Variants in IFNAR2 observed in about 807,000 individuals in gnomAD.
IFNAR2 encodes the protein interferon alpha and beta receptor subunit 2, also known as interferon alpha/beta receptor 2.
IFNAR2 carries 30 observed loss-of-function variants against 49.4 expected under a neutral mutation model. That is an observed-to-expected ratio of 0.61 (90% confidence interval 0.45 to 0.82). The LOEUF is 0.82. Ranked by LOEUF, IFNAR2 falls within the 40% of genes least tolerant of loss-of-function variation. The pLI, the probability that IFNAR2 is intolerant of heterozygous loss-of-function variation, is 0.00. For missense variants in IFNAR2, 600 were observed against 622.7 expected (o/e 0.96, Z 0.39); for synonymous variants, 224 against 234.5 (o/e 0.96, Z 0.41).
At chr21:33,244,299 T>G (rs928718742) in intron 3 of IFNAR2, among the ~76,000 whole-genome samples, 2 of 152,224 alleles carry the variant, frequency 1.3e-5, no homozygotes, top group Admixed American at 1.3e-4. Flanking sequence ...CTTTAATGTC[T>G]CATTTATCAC....
chr21:33,236,605 C>A, intron 1 of IFNAR2: 1 of 822,324 alleles, frequency 1.2e-6, no homozygotes, highest in Non-Finnish European at 1.5e-6. Flanking sequence ...GGAATGTGGT[C>A]CCAGTTGATG....
At chr21:33,233,431 C>A (rs971580099) in intron 1 of IFNAR2, among the ~76,000 whole-genome samples, 4 of 152,020 alleles carry the variant, frequency 2.6e-5, no homozygotes, top group African/African-American at 4.8e-5. Flanking sequence ...GTCTGTAGGC[C>A]AAAGGAACAT....
rs756074439 is a variant in IFNAR2 at position 33,262,649 on chromosome 21, A to C, written c.841-144A>C. The C allele has an allele frequency of 4.3e-6, 5 of 1,174,112 alleles. No individual in the cohort carries two copies. The South Asian group carries it at 6.3e-5, about 15-fold the overall frequency. 72.7% of individuals were successfully genotyped at this position (1,174,112 alleles called of 1,614,324 possible). A position where few individuals can be genotyped will look rare whatever the true frequency, so the allele number is the denominator to read the frequency against. Reference sequence around the variant, plus strand: ...CAGTCTGAAACTCCTGAGCTCAAACAGTCGTCCTGCCTAAGCTTCCCCAGT... The same window carrying C: ...CAGTCTGAAACTCCTGAGCTCAAACCGTCGTCCTGCCTAAGCTTCCCCAGT... On this transcript the variant is annotated intron_variant, in intron 8 of 8. Transcript: ENST00000342136.
At chr21:33,249,331 A>AAG (rs1987674955) in intron 6 of IFNAR2, among the ~76,000 whole-genome samples, 1 of 137,064 alleles carries the variant, frequency 7.3e-6, no homozygotes. Context: ...GTGACAGAGC[A>AAG]AGACTCCGTC....
chr21:33,253,509 C>G (rs1008157456), intron 7 of IFNAR2, among the ~76,000 whole-genome samples: 1 of 152,164 alleles, frequency 6.6e-6, no homozygotes. Context: ...TTCTAAATGT[C>G]CCAACCGCAG....
At chr21:33,262,359 C>T (rs1284469587) in intron 8 of IFNAR2, among the ~76,000 whole-genome samples, 8 of 107,382 alleles carry the variant, frequency 7.5e-5, no homozygotes, top group East Asian at 2.9e-4. Context: ...GCGAGACTCC[C>T]GTCTCAAAAA....
At chr21:33,247,249 TC>T (rs68075219) in intron 5 of IFNAR2, among the ~76,000 whole-genome samples, 16,274 of 127,238 alleles carry the variant, frequency 0.13, 1,650 homozygotes, top group Non-Finnish European at 0.16. Flanking sequence ...TTTCTTTCTT[TC>T]TTTCTTTTTT....
Position 33,244,851 on chromosome 21 carries a change from G to A in IFNAR2, c.98-100G>A. On this transcript the variant is annotated intron_variant, in intron 3 of 8. Transcript: ENST00000342136. ...CCAGGGCTCTCTGGAGAGGTTATCTGCCAGAGGTGTGGGTTCTAGATCCCA... is the reference window on the plus strand; with the variant it reads ...CCAGGGCTCTCTGGAGAGGTTATCTACCAGAGGTGTGGGTTCTAGATCCCA... 6.1e-6 allele frequency: 7 copies of A among 1,141,484 alleles called. No individual in the cohort carries two copies. In the South Asian group the frequency reaches 9.3e-5, roughly 15 times the overall value. The allele number at this position is 1,141,484 out of a possible 1,614,324, so 70.7% of individuals were successfully genotyped here.
Position 33,242,748 on chromosome 21 carries a change from A to AAAAAT in IFNAR2, c.55+771_55+772insAAAAT, listed in dbSNP as rs1221572446. On this transcript the variant is annotated intron_variant, in intron 2 of 8. Transcript: ENST00000342136. ...TGTCTCAAAAAAAAAAAAAAAAAAAATCTCGTGTGCGTGTGTGTGTGTGTG... is the reference window on the plus strand; with the variant it reads ...TGTCTCAAAAAAAAAAAAAAAAAAAAAAAATTCTCGTGTGCGTGTGTGTGTGTGTG... 5.3e-5 allele frequency among the ~76,000 whole-genome samples: 5 copies of AAAAAT among 93,896 alleles called. 2 individuals are homozygous for AAAAAT. The highest frequency in any genetic ancestry group is 2.0e-4 in the African/African-American group (5 of 24,498). The allele number at this position is 93,896 out of a possible 152,430, so 61.6% of individuals were successfully genotyped here. A position where few individuals can be genotyped will look rare whatever the true frequency, so the allele number is the denominator to read the frequency against.
intron 7 of IFNAR2, among the ~76,000 whole-genome samples, chr21:33,255,464 CA>C: frequency 6.6e-6 from 1 of 152,288 alleles, no homozygotes; most frequent in East Asian, 1.9e-4. Flanking sequence ...AAATGACTCA[CA>C]GAACTCAGGA....
At chr21:33,245,695 A>G (rs1343638207) in intron 4 of IFNAR2, among the ~76,000 whole-genome samples, 1 of 152,130 alleles carries the variant, frequency 6.6e-6, no homozygotes, top group African/African-American at 2.4e-5. Flanking sequence ...TCGCCCTTAG[A>G]AGTCATTGCT....
intron 1 of IFNAR2, among the ~76,000 whole-genome samples, chr21:33,237,896 T>C (rs1359122694): frequency 6.6e-6 from 1 of 151,728 alleles, no homozygotes; most frequent in Non-Finnish European, 1.5e-5. Context: ...GGAAGAGGAG[T>C]CAGGCTGGGG....
Position 33,243,675 on chromosome 21 carries a change from T to C in IFNAR2, c.58T>C (p.Tyr20His), listed in dbSNP as rs1354910199. The C allele has an allele frequency of 6.2e-7, 1 of 1,613,100 alleles. No individual in the cohort carries two copies. Among genetic ancestry groups the C allele is most frequent in the Non-Finnish European group, 8.5e-7 (1 of 1,179,204 alleles). Residue 20 changes from tyrosine (Y) to histidine (H), a missense_variant and splice_region_variant, in exon 3 of 9, where the codon TAT becomes CAT. By Grantham distance (83) the Tyr-to-His change is moderately conservative. Transcript: ENST00000342136. Reference sequence around the variant, plus strand: ...CTAATGTGTTTTCTTCCTTCTAGTGTATATCAGCCTCGTGTTTGGTATTTC... The same window carrying C: ...CTAATGTGTTTTCTTCCTTCTAGTGCATATCAGCCTCGTGTTTGGTATTTC... ...FRSLNLVLMV[Y>H]ISLVFGISYD...
chr21:33,235,676 C>G (rs2123447864), intron 1 of IFNAR2, among the ~76,000 whole-genome samples: 1 of 152,300 alleles, frequency 6.6e-6, no homozygotes, highest in African/African-American at 2.4e-5. Flanking sequence ...CCTGTAATCC[C>G]AGCACTTTGG....
chr21:33,242,123 C>A, intron 2 of IFNAR2, 146 bp downstream of exon 2: 1 of 639,104 alleles, frequency 1.6e-6, no homozygotes, highest in Non-Finnish European at 2.6e-6. Context: ...AAGTGGAAAG[C>A]AAATAGGAAA....
intron 4 of IFNAR2, among the ~76,000 whole-genome samples, chr21:33,245,775 G>A (rs1987353214): frequency 6.6e-6 from 1 of 152,180 alleles, no homozygotes; most frequent in South Asian, 2.1e-4. Context: ...TGCTGCTACT[G>A]CTTATTGACT....
chr21:33,247,469 C>A (rs965261197), intron 5 of IFNAR2, among the ~76,000 whole-genome samples: 5 of 151,860 alleles, frequency 3.3e-5, no homozygotes. Context: ...AGGCTAGTCT[C>A]GAACTCCTGA....
chr21:33,237,527 C>A (rs1488385691), intron 1 of IFNAR2, among the ~76,000 whole-genome samples: 2 of 151,974 alleles, frequency 1.3e-5, no homozygotes, highest in Non-Finnish European at 2.9e-5. Flanking sequence ...AGAGTGAGAC[C>A]CTGTCTCAAA....
At chr21:33,242,845 A>G (rs1480008012) in intron 2 of IFNAR2, among the ~76,000 whole-genome samples, 1 of 144,972 alleles carries the variant, frequency 6.9e-6, no homozygotes, top group Non-Finnish European at 1.5e-5. Flanking sequence ...GCTGGAGTGC[A>G]GGGTGTGAGC....
Sources: allele counts gnomAD v4.1 joint callset (sites outside exome capture counted in the v4.1 genomes callset), GRCh38; gene constraint gnomAD v4.1.1; transcripts MANE v1.5; gene names NCBI Gene and HGNC (gene_info 2026-07-23, HGNC 2026-07-21).